The following HEATR4 variants were observed in gnomAD, a reference collection of about 807,000 sequenced individuals.
HEATR4 encodes the protein HEAT repeat-containing protein 4.
HEATR4 carries 95 observed loss-of-function variants against 108.8 expected under a neutral mutation model. That is an observed-to-expected ratio of 0.87 (90% CI 0.74 to 1.04). HEATR4 has a LOEUF of 1.04. HEATR4 is among the 50% of genes least tolerant of loss of function. The pLI, the probability that HEATR4 is intolerant of heterozygous loss-of-function variation, is 0.00. For missense variants in HEATR4, 1,152 were observed against 1,253.8 expected (o/e 0.92, Z 1.23); for synonymous variants, 443 against 459.4 (o/e 0.96, Z 0.46).
chr14:73,488,673 C>G (rs1216947313), intron 17 of HEATR4, among the ~76,000 whole-genome samples: 1 of 151,390 alleles, frequency 6.6e-6, no homozygotes, highest in Non-Finnish European at 1.5e-5. Context: ...ATAAATTACT[C>G]AGTCTCAGGT....
chr14:73,488,285 G>C (rs2140244833), intron 17 of HEATR4, among the ~76,000 whole-genome samples: 1 of 152,234 alleles, frequency 6.6e-6, no homozygotes, highest in South Asian at 2.1e-4. Flanking sequence ...GGTTGCTTTT[G>C]TTTGAGACGG....
At chr14:73,560,944 A>G (rs1889523447), upstream of HEATR4, among the ~76,000 whole-genome samples, 1 of 152,126 alleles carries the variant, frequency 6.6e-6, no homozygotes, top group Non-Finnish European at 1.5e-5. Flanking sequence ...AGATATTTGT[A>G]TACCCATGTT....
chr14:73,603,325 G>A, the HEATR4 span, among the ~76,000 whole-genome samples: 157 of 152,158 alleles, frequency 1.0e-3, 1 homozygote, highest in African/African-American at 3.7e-3. Context: ...GAAGACATTT[G>A]CATTTTACCA....
chr14:73,560,951 T>C (rs1889523682), upstream of HEATR4, among the ~76,000 whole-genome samples: 2 of 152,008 alleles, frequency 1.3e-5, no homozygotes, highest in African/African-American at 2.4e-5. Context: ...TGTATACCCA[T>C]GTTCATAGCA....
intron 9 of HEATR4, 46 bp downstream of exon 9, chr14:73,508,088 C>G (rs1333221009): frequency 1.9e-6 from 3 of 1,576,974 alleles, no homozygotes; most frequent in Non-Finnish European, 1.7e-6. Flanking sequence ...CCTCAAAGAC[C>G]TAATTGCTCC....
At chr14:73,502,251 G>T (rs938686030) in intron 11 of HEATR4, among the ~76,000 whole-genome samples, 7 of 151,942 alleles carry the variant, frequency 4.6e-5, no homozygotes, top group African/African-American at 1.7e-4. Context: ...TAGCCACGCT[G>T]AGTATTCCAT....
chr14:73,521,893 G>T (rs1887995079), intron 3 of HEATR4, among the ~76,000 whole-genome samples: 1 of 152,210 alleles, frequency 6.6e-6, no homozygotes, highest in South Asian at 2.1e-4. Context: ...GCTGGAGAAG[G>T]TTGAGAACCA....
At chr14:73,500,303 C>G (rs1286536173) in intron 12 of HEATR4, among the ~76,000 whole-genome samples, 1 of 147,062 alleles carries the variant, frequency 6.8e-6, no homozygotes, top group Non-Finnish European at 1.5e-5. Context: ...TTTAGCTCAT[C>G]AACTATCGTT....
chr14:73,566,803 G>C, the HEATR4 span, among the ~76,000 whole-genome samples: 1 of 152,194 alleles, frequency 6.6e-6, no homozygotes, highest in Non-Finnish European at 1.5e-5. Flanking sequence ...GTGGGCTGAA[G>C]GGCTTCTCAA....
At chr14:73,595,965 C>T in the HEATR4 span, 1 of 216,250 alleles carries the variant, frequency 4.6e-6, no homozygotes, top group African/African-American at 2.3e-5. Context: ...TGACTTTTTC[C>T]ATCACTATGA....
the HEATR4 span, among the ~76,000 whole-genome samples, chr14:73,576,207 G>A: frequency 6.6e-6 from 1 of 151,740 alleles, no homozygotes; most frequent in Non-Finnish European, 1.5e-5. Context: ...TACCTACTGT[G>A]GAAGAAAAGC....
At chr14:73,514,952 C>A (rs1887495525) in intron 5 of HEATR4, among the ~76,000 whole-genome samples, 1 of 151,814 alleles carries the variant, frequency 6.6e-6, no homozygotes, top group Non-Finnish European at 1.5e-5. Flanking sequence ...CTTGTAGTCT[C>A]AGCTACTTGA....
intron 5 of HEATR4, among the ~76,000 whole-genome samples, chr14:73,514,493 C>T (rs886523894): frequency 1.3e-5 from 2 of 152,084 alleles, no homozygotes; most frequent in Admixed American, 1.3e-4. Flanking sequence ...TATCTACAAA[C>T]CTTTCTATAA....
the HEATR4 span, among the ~76,000 whole-genome samples, chr14:73,618,630 A>G: frequency 7.1e-6 from 1 of 141,470 alleles, no homozygotes; most frequent in Non-Finnish European, 1.5e-5. Flanking sequence ...GGAGAAAATA[A>G]TATACTGTAT....
the HEATR4 span, among the ~76,000 whole-genome samples, chr14:73,584,449 G>C: frequency 1.3e-5 from 2 of 151,356 alleles, no homozygotes; most frequent in Admixed American, 6.6e-5. Context: ...CCTTCCACTG[G>C]TAACAACCCC....
Position 73,514,063 on chromosome 14 carries a change from A to C in HEATR4, c.1382T>G (p.Met461Arg), listed in dbSNP as rs1335230964. 6.2e-7 allele frequency: 1 copy of C among 1,614,082 alleles called. No individual in the cohort carries two copies. The highest frequency in any genetic ancestry group is 8.5e-7 in the Non-Finnish European group (1 of 1,180,042). Residue 461 changes from methionine (M) to arginine (R), a missense_variant, in exon 6 of 18, where the codon ATG becomes AGG. Met to Arg is a moderately conservative substitution (Grantham distance 91). Transcript: ENST00000553558. Reference protein sequence around the residue: ...VTWELVVLRRMLKEWKTAWAL... With the variant: ...VTWELVVLRRRLKEWKTAWAL... ...CCAGGCAGTCTTCCATTCCTTCAGC[A>C]TCCTCCGCAGGACCACCAGTTCCCA...
the HEATR4 span, among the ~76,000 whole-genome samples, chr14:73,622,917 GT>G: frequency 6.7e-6 from 1 of 150,258 alleles, no homozygotes; most frequent in Non-Finnish European, 1.5e-5. Context: ...TTTAGTTTTT[GT>G]TTTTTTTTGA....
At chr14:73,557,208 T>G (rs1223814013) in intron 1 of HEATR4, among the ~76,000 whole-genome samples, 1 of 114,006 alleles carries the variant, frequency 8.8e-6, no homozygotes, top group Non-Finnish European at 1.9e-5. Flanking sequence ...GGAATGGGGT[T>G]GGAAGGGTTA....
intron 2 of HEATR4, chr14:73,529,070 T>C (rs1266100683): frequency 6.6e-6 from 1 of 151,878 alleles, no homozygotes; most frequent in African/African-American, 2.4e-5. Flanking sequence ...ATTAAGTCAA[T>C]CGGCCAGGCG....
Sources: gnomAD v4.1 joint callset for allele counts (sites outside exome capture counted in the v4.1 genomes callset) on GRCh38, gnomAD v4.1.1 for gene constraint, MANE v1.5 for transcripts, NCBI Gene and HGNC (gene_info 2026-07-23, HGNC 2026-07-21) for gene names.